Variants in PLAGL1 observed in about 807,000 individuals in gnomAD.
The protein encoded by PLAGL1 is zinc finger protein PLAGL1.
In PLAGL1, 1 loss-of-function variant was observed where a neutral mutation model predicts 4.6. The ratio of observed to expected loss-of-function variants is 0.22; its 90% confidence interval spans 0.08 to 1.03. The LOEUF (loss-of-function observed/expected upper bound fraction) is 1.03, where lower values mean the gene tolerates loss of function less well. Ranked by LOEUF, PLAGL1 falls within the 50% of genes least tolerant of loss-of-function variation. The probability of loss-of-function intolerance (pLI) is 0.58; values close to 1 mark genes in which losing one functional copy is unlikely to be tolerated. For missense variants in PLAGL1, 464 were observed against 570.4 expected, an observed-to-expected ratio of 0.81 and a Z score of 1.90; for synonymous variants, 240 against 237.8, an observed-to-expected ratio of 1.01 and a Z score of -0.08.
In PLAGL1 at chr6:144,027,230, CGAACGAAAGAAAGAAA is replaced by C. The variant is rs1418994056; in HGVS notation, c.-151+37222_-151+37237del. Among the ~76,000 whole-genome samples the C allele has an allele frequency of 4.9e-4, 49 of 99,168 alleles. 1 individual carries two copies. Among genetic ancestry groups the C allele is most frequent in the African/African-American group, 1.5e-3 (36 of 24,170 alleles). 65.1% of individuals were successfully genotyped at this position (99,168 alleles called of 152,430 possible). A position where few individuals can be genotyped will look rare whatever the true frequency, so the allele number is the denominator to read the frequency against. On this transcript the variant is annotated intron_variant, in intron 1 of 3. Transcript: ENST00000437412. This position sits in a 1 kb window ranked among gnomAD's most constrained non-coding sequence, Gnocchi z 5.8. ...CAGAGAAAGACCCCAACTCAAAGAA[CGAACGAAAGAAAGAAA>C]GAAAGAAAGAAAGAAAGAAAGAAAG...
In PLAGL1 at chr6:144,000,958, C is replaced by T. The variant is rs368868334; in HGVS notation, c.-584+7132G>A. Among the ~76,000 whole-genome samples the T allele has an allele frequency of 1.1e-4, 17 of 152,108 alleles. No homozygotes were observed. The highest frequency in any genetic ancestry group is 4.1e-4 in the South Asian group (2 of 4,822). On this transcript the variant is annotated intron_variant, in intron 1 of 7. Coordinates refer to ENST00000674357, the MANE Select transcript of PLAGL1 (RefSeq NM_001317162.2). The surrounding 1 kb of genome is among the most constrained non-coding windows in gnomAD (Gnocchi z 4.1). ...TTGACAAAATTAAAAATAGAGTATA[C>T]GTACATATAACTCCTAGCTCTGTCC...
At chr6:144,021,326 G>A (rs1414042876) in intron 1 of PLAGL1, among the ~76,000 whole-genome samples, 1 of 152,110 alleles carries the variant, frequency 6.6e-6, no homozygotes, top group African/African-American at 2.4e-5. Flanking sequence ...AATTATTACT[G>A]TATTTTTGTG....
rs116959853 is a variant in PLAGL1 at position 144,055,986 on chromosome 6, T to C, written c.-151+8482A>G. ...AGCAGATCCACCCTTTTCATAATGATATATCAGAAGTTCAACATATAAGAC... is the reference window on the plus strand; with the variant it reads ...AGCAGATCCACCCTTTTCATAATGACATATCAGAAGTTCAACATATAAGAC... On this transcript the variant is annotated intron_variant, in intron 1 of 3. Coordinates refer to the PLAGL1 transcript ENST00000437412. The surrounding 1 kb of genome is among the most constrained non-coding windows in gnomAD (Gnocchi z 5.0). Among the ~76,000 whole-genome samples, 380 of 152,240 alleles carry C rather than the reference T, an allele frequency of 2.5e-3. 6 individuals are homozygous for C. In the East Asian group the frequency reaches 0.048, roughly 19 times the overall value.
chr6:143,960,988 T>G lies in PLAGL1; in HGVS notation c.-398-446A>C, dbSNP rs1298274546. The G allele has an allele frequency of 1.3e-5, 2 of 152,158 alleles. No individual in the cohort carries two copies. The highest frequency in any genetic ancestry group is 4.8e-5 in the African/African-American group (2 of 41,416). 9.4% of individuals were successfully genotyped at this position (152,158 alleles called of 1,614,324 possible). A position where few individuals can be genotyped will look rare whatever the true frequency, so the allele number is the denominator to read the frequency against. On this transcript the variant is annotated intron_variant, in intron 5 of 7. Coordinates refer to ENST00000674357, the MANE Select transcript of PLAGL1 (RefSeq NM_001317162.2). The surrounding 1 kb of genome is among the most constrained non-coding windows in gnomAD (Gnocchi z 5.7). ...AAAGGAGATTCATATAAACAAAGAT[T>G]TATCAAATTTGCAGTGCAAGAAGGT... is the stretch of plus-strand genomic sequence containing the variant.
chr6:144,003,292 T>C (rs1001072832), intron 1 of PLAGL1, among the ~76,000 whole-genome samples: 9 of 152,040 alleles, frequency 5.9e-5, no homozygotes, highest in Non-Finnish European at 8.8e-5. Context: ...GCTAAAACTA[T>C]AAAGTTTCTG....
chr6:144,041,582 T>A (rs957554508), intron 1 of PLAGL1, among the ~76,000 whole-genome samples: 1 of 152,248 alleles, frequency 6.6e-6, no homozygotes, highest in Non-Finnish European at 1.5e-5. Context: ...CAGTCTATCA[T>A]TGTTGGACAT....
In PLAGL1 at chr6:144,059,835, G is replaced by A. The variant is rs1395457664; in HGVS notation, c.-151+4633C>T. Among the ~76,000 whole-genome samples the A allele has an allele frequency of 6.6e-6, 1 of 152,160 alleles. No homozygotes were observed. Among genetic ancestry groups the A allele is most frequent in the Non-Finnish European group, 1.5e-5 (1 of 68,026 alleles). ...TACCTAGGGCCTTTTTGAGAGATCAGCCTTGAGGTCCATTTTGGGAGATAA... is the reference window on the plus strand; with the variant it reads ...TACCTAGGGCCTTTTTGAGAGATCAACCTTGAGGTCCATTTTGGGAGATAA... On this transcript the variant is annotated intron_variant, in intron 1 of 3. Transcript: ENST00000437412. This position sits in a 1 kb window ranked among gnomAD's most constrained non-coding sequence, Gnocchi z 4.9.
Position 144,016,957 on chromosome 6 carries a change from C to T in PLAGL1, c.-151+47511G>A, listed in dbSNP as rs1795605594. Among the ~76,000 whole-genome samples, 1 of 152,088 alleles carries T rather than the reference C, an allele frequency of 6.6e-6. No homozygotes were observed. The highest frequency in any genetic ancestry group is 2.1e-4 in the South Asian group (1 of 4,820). ...TTCTAACCTGTGAGGGTGTCAGTGG[C>T]AGAGGTGAAACCTGACCTAGAGCCT... On this transcript the variant is annotated intron_variant, in intron 1 of 3. Transcript: ENST00000437412. The surrounding 1 kb of genome is among the most constrained non-coding windows in gnomAD (Gnocchi z 4.2).
chr6:144,028,536 A>C (rs1796542449), intron 1 of PLAGL1, among the ~76,000 whole-genome samples: 1 of 152,192 alleles, frequency 6.6e-6, no homozygotes, highest in Non-Finnish European at 1.5e-5. Context: ...AGAAATAAAG[A>C]TTTACTGTTA....
chr6:144,025,069 TG>T (rs1406600443), intron 1 of PLAGL1, among the ~76,000 whole-genome samples: 1 of 152,170 alleles, frequency 6.6e-6, no homozygotes, highest in Non-Finnish European at 1.5e-5. Flanking sequence ...GACTTTGCCA[TG>T]GAGAAACCAG....
At chr6:144,045,731 G>A (rs1583864105) in intron 1 of PLAGL1, among the ~76,000 whole-genome samples, 1 of 152,086 alleles carries the variant, frequency 6.6e-6, no homozygotes, top group Non-Finnish European at 1.5e-5. Context: ...TTGAATGTTG[G>A]CCTGCCTTGC....
Position 143,942,499 on chromosome 6 carries a change from T to C in PLAGL1, c.317A>G (p.Tyr106Cys). The change falls in exon 8 of 8, where the codon TAT becomes TGT. Residue 106 changes from tyrosine (Y) to cysteine (C), a missense_variant. Physicochemically the swap from Tyr to Cys is radical, Grantham distance 194. Coordinates refer to ENST00000674357, the MANE Select transcript of PLAGL1 (RefSeq NM_001317162.2). The surrounding 1 kb of genome is among the most constrained non-coding windows in gnomAD (Gnocchi z 7.6). The part of the protein sequence containing the change: ...CGKKYNTMLG[Y>C]KRHLALHAAS... ...CGCATGGAGGGCCAGGTGCCTCTTA[T>C]AGCCCAGCATGGTGTTGTACTTCTT... 1.2e-6 allele frequency: 2 copies of C among 1,614,152 alleles called. No individual in the cohort carries two copies. The highest frequency in any genetic ancestry group is 1.1e-5 in the South Asian group (1 of 91,084).
At position 143,958,351 on chromosome 6, in the gene PLAGL1, C is replaced by G. The variant is rs1364280590; in HGVS notation, c.-325+2118G>C. On this transcript the variant is annotated intron_variant, in intron 6 of 7. Coordinates refer to ENST00000674357, the MANE Select transcript of PLAGL1 (RefSeq NM_001317162.2). This position sits in a 1 kb window ranked among gnomAD's most constrained non-coding sequence, Gnocchi z 5.1. Reference sequence around the variant, plus strand: ...ATGAACCCAAGACCAAATCGGATTACCCTAGACACAAATTTGATGGGCAGT... The same window carrying G: ...ATGAACCCAAGACCAAATCGGATTAGCCTAGACACAAATTTGATGGGCAGT... Among the ~76,000 whole-genome samples the G allele has an allele frequency of 2.6e-5, 4 of 152,172 alleles. No homozygotes were observed. The highest frequency in any genetic ancestry group is 5.9e-5 in the Non-Finnish European group (4 of 68,030).
At chr6:144,021,181 A>G (rs1795953328) in intron 1 of PLAGL1, among the ~76,000 whole-genome samples, 1 of 152,134 alleles carries the variant, frequency 6.6e-6, no homozygotes, top group Non-Finnish European at 1.5e-5. Context: ...GGTCAAACCT[A>G]TGCGGTTTGA....
At position 143,995,089 on chromosome 6, in the gene PLAGL1, G is replaced by A. The variant is rs554839783; in HGVS notation, c.-583-9915C>T. ...TTACTTATTAACTGTCTGATATTGGGAAAGGCTTCATTCTTTCTCAGCCAA... is the reference window on the plus strand; with the variant it reads ...TTACTTATTAACTGTCTGATATTGGAAAAGGCTTCATTCTTTCTCAGCCAA... On this transcript the variant is annotated intron_variant, in intron 1 of 7. Transcript: ENST00000674357. This position sits in a 1 kb window ranked among gnomAD's most constrained non-coding sequence, Gnocchi z 4.4. Among the ~76,000 whole-genome samples, 19 of 152,206 alleles carry A rather than the reference G, an allele frequency of 1.2e-4. 1 individual carries two copies. In the South Asian group the frequency reaches 3.1e-3, roughly 25 times the overall value.
In PLAGL1 at chr6:143,997,780, G is replaced by C. The variant is rs925111092; in HGVS notation, c.-584+10310C>G. On this transcript the variant is annotated intron_variant, in intron 1 of 7. Coordinates refer to ENST00000674357, the MANE Select transcript of PLAGL1 (RefSeq NM_001317162.2). This position sits in a 1 kb window ranked among gnomAD's most constrained non-coding sequence, Gnocchi z 4.6. ...GATCCATAGGGGAGGTGTTGACCAGGAGGTAAATGAGAGAATTTTATCCTC... is the reference window on the plus strand; with the variant it reads ...GATCCATAGGGGAGGTGTTGACCAGCAGGTAAATGAGAGAATTTTATCCTC... Among the ~76,000 whole-genome samples, 103 of 151,698 alleles carry C rather than the reference G, an allele frequency of 6.8e-4. No individual in the cohort carries two copies. The highest frequency in any genetic ancestry group is 2.5e-3 in the African/African-American group (102 of 41,012).
In PLAGL1 at chr6:143,973,535, CATAA is replaced by C. The variant is rs954866317; in HGVS notation, c.-543-4561_-543-4558del. Among the ~76,000 whole-genome samples, 8 of 152,180 alleles carry C rather than the reference CATAA, an allele frequency of 5.3e-5. No individual in the cohort carries two copies. Among genetic ancestry groups the C allele is most frequent in the Non-Finnish European group, 1.0e-4 (7 of 68,030 alleles). On this transcript the variant is annotated intron_variant, in intron 2 of 7. Transcript: ENST00000674357. This position sits in a 1 kb window ranked among gnomAD's most constrained non-coding sequence, Gnocchi z 6.2. ...GAGCTTCAATGGCCCCCTGACATTC[CATAA>C]ATAAACTTCTCCCTCTCACTCTCCC...
At chr6:144,029,442 C>T (rs983836575) in intron 1 of PLAGL1, among the ~76,000 whole-genome samples, 1 of 152,094 alleles carries the variant, frequency 6.6e-6, no homozygotes, top group African/African-American at 2.4e-5. Context: ...AAAGCTTCTA[C>T]AGATAAGTAA....
Position 143,950,120 on chromosome 6 carries a change from C to T in PLAGL1, c.-324-1660G>A, listed in dbSNP as rs139234461. On this transcript the variant is annotated intron_variant, in intron 6 of 7. Transcript: ENST00000674357. The surrounding 1 kb of genome is among the most constrained non-coding windows in gnomAD (Gnocchi z 6.3). ...CCATCCTGCCTCACCCACTTGGAAA[C>T]GTGAAAGCTGACTCGGGCACTTTTG... 5.2e-3 allele frequency among the ~76,000 whole-genome samples: 789 copies of T among 152,236 alleles called. 6 individuals are homozygous for T. The highest frequency in any genetic ancestry group is 0.018 in the African/African-American group (764 of 41,528).
Sources: gnomAD v4.1 joint callset for allele counts (sites outside exome capture counted in the v4.1 genomes callset) on GRCh38, gnomAD v4.1.1 for gene constraint, Gnocchi (gnomAD v3.1) non-coding constraint, MANE v1.5 for transcripts, NCBI Gene and HGNC (gene_info 2026-07-23, HGNC 2026-07-21) for gene names.